Variants in PALLD observed in about 807,000 individuals in gnomAD.
PALLD encodes palladin.
A neutral mutation model predicts 123.5 loss-of-function variants in PALLD; 61 were observed. That is an observed-to-expected ratio of 0.49 (90% confidence interval 0.40 to 0.61). The LOEUF (loss-of-function observed/expected upper bound fraction) is 0.61, where lower values mean the gene tolerates loss of function less well. Among genes scored for constraint, PALLD ranks in the 20% least tolerant of loss-of-function variants. PALLD has a pLI of 0.00. For missense variants in PALLD, 1,273 were observed against 1,377.0 expected, an observed-to-expected ratio of 0.92 and a Z score of 1.20; for synonymous variants, 465 against 496.4, an observed-to-expected ratio of 0.94 and a Z score of 0.84.
chr4:168,507,948 T>C (rs1452543939), intron 1 of PALLD, among the ~76,000 whole-genome samples: 1 of 152,228 alleles, frequency 6.6e-6, no homozygotes, highest in Non-Finnish European at 1.5e-5. Flanking sequence ...GCCAGTATCC[T>C]CTTCACCTCC....
chr4:168,659,011 T>A (rs1778876709), intron 2 of PALLD, among the ~76,000 whole-genome samples: 1 of 152,218 alleles, frequency 6.6e-6, no homozygotes, highest in Admixed American at 6.5e-5. Flanking sequence ...TAAGTCCACA[T>A]GACAGAATAA....
chr4:168,709,516 AAGGAAGGAAGG>A (rs1784529573), intron 9 of PALLD, among the ~76,000 whole-genome samples: 1 of 310 alleles, frequency 3.2e-3, no homozygotes, highest in African/African-American at 8.2e-3. Flanking sequence ...TCAAGGAAGG[AAGGAAGGAAGG>A]AAGGAAGGAA....
At chr4:168,873,565 CAGA>C (rs1280965854) in intron 10 of PALLD, among the ~76,000 whole-genome samples, 1 of 152,112 alleles carries the variant, frequency 6.6e-6, no homozygotes, top group African/African-American at 2.4e-5. Context: ...AGTTGTTTTC[CAGA>C]AGTTTACTTT....
At chr4:168,600,030 C>T (rs6830448) in intron 2 of PALLD, among the ~76,000 whole-genome samples, 11,977 of 142,916 alleles carry the variant, frequency 0.084, 606 homozygotes, top group Non-Finnish European at 0.11. Flanking sequence ...TGTACACACA[C>T]ATACATACAT....
In PALLD at chr4:168,750,812, C is replaced by A. The variant is rs182825759; in HGVS notation, c.1964+38889C>A. On this transcript the variant is annotated intron_variant, in intron 10 of 21. Transcript: ENST00000505667. ...AAATATCTTCTCCAGAAAGACTTTC[C>A]TAATACTTCTAACTGGAATTGTTCT... Among the ~76,000 whole-genome samples, 336 of 152,254 alleles carry A rather than the reference C, an allele frequency of 2.2e-3. 5 individuals are homozygous for A. Among genetic ancestry groups the A allele is most frequent in the Admixed American group, 0.02 (311 of 15,298 alleles).
intron 10 of PALLD, among the ~76,000 whole-genome samples, chr4:168,806,411 T>C (rs1230105838): frequency 1.3e-5 from 2 of 152,084 alleles, no homozygotes; most frequent in African/African-American, 4.8e-5. Context: ...TTTGCTCTCT[T>C]TCTCTCTCCA....
chr4:168,643,191 T>G (rs1403940335), intron 2 of PALLD, among the ~76,000 whole-genome samples: 1 of 152,202 alleles, frequency 6.6e-6, no homozygotes, highest in Non-Finnish European at 1.5e-5. Context: ...TTAGATCAAG[T>G]TAAACTGAAA....
At chr4:168,761,293 A>C (rs576437927) in intron 10 of PALLD, among the ~76,000 whole-genome samples, 1 of 152,060 alleles carries the variant, frequency 6.6e-6, no homozygotes, top group Non-Finnish European at 1.5e-5. Flanking sequence ...AGTTTCACCA[A>C]TGAGTCCCCT....
At chr4:168,852,750 T>A (rs557442166) in intron 10 of PALLD, among the ~76,000 whole-genome samples, 1 of 152,244 alleles carries the variant, frequency 6.6e-6, no homozygotes, top group Non-Finnish European at 1.5e-5. Context: ...CCTTAAGCCA[T>A]GGTAATTAGA....
At chr4:168,704,620 C>T (rs1184121078) in intron 8 of PALLD, among the ~76,000 whole-genome samples, 10 of 143,236 alleles carry the variant, frequency 7.0e-5, no homozygotes, top group African/African-American at 1.8e-4. Flanking sequence ...GCCGAGATTG[C>T]GCCACTGCAC....
At chr4:168,855,183 C>T (rs763303442) in intron 10 of PALLD, among the ~76,000 whole-genome samples, 44 of 150,734 alleles carry the variant, frequency 2.9e-4, no homozygotes, top group Admixed American at 2.6e-4. Context: ...CTCCGCCTCC[C>T]GGGTTCAAGC....
chr4:168,623,241 C>G (rs1209022476), intron 2 of PALLD, among the ~76,000 whole-genome samples: 1 of 152,190 alleles, frequency 6.6e-6, no homozygotes, highest in African/African-American at 2.4e-5. Context: ...GATCACATGT[C>G]AGGCTGCCCA....
At chr4:168,644,233 C>T (rs1261004533) in intron 2 of PALLD, among the ~76,000 whole-genome samples, 2 of 151,602 alleles carry the variant, frequency 1.3e-5, no homozygotes, top group East Asian at 1.9e-4. Context: ...GGATTACAGG[C>T]GCCTCCACCA....
intron 10 of PALLD, among the ~76,000 whole-genome samples, chr4:168,824,817 C>CTTTT (rs148235431): frequency 3.1e-5 from 3 of 97,876 alleles, no homozygotes; most frequent in African/African-American, 8.1e-5. Context: ...CAGATAAATT[C>CTTTT]TTTTTTTTTT....
At chr4:168,588,769 T>C (rs938880128) in intron 2 of PALLD, among the ~76,000 whole-genome samples, 4 of 150,274 alleles carry the variant, frequency 2.7e-5, no homozygotes, top group African/African-American at 1.0e-4. Flanking sequence ...CTTCACTAAA[T>C]TAAAATGTTC....
intron 10 of PALLD, chr4:168,878,226 C>G: frequency 6.6e-7 from 1 of 1,520,668 alleles, no homozygotes; most frequent in Non-Finnish European, 8.8e-7. Flanking sequence ...CCACTGCCGC[C>G]GCCACCACCG....
At chr4:168,559,709 C>T (rs1767668001) in intron 2 of PALLD, among the ~76,000 whole-genome samples, 1 of 151,900 alleles carries the variant, frequency 6.6e-6, no homozygotes, top group Non-Finnish European at 1.5e-5. Context: ...CAGGCCTGGG[C>T]AACATGGCGA....
At chr4:168,624,670 C>T (rs1775068969) in intron 2 of PALLD, among the ~76,000 whole-genome samples, 1 of 151,970 alleles carries the variant, frequency 6.6e-6, no homozygotes, top group Admixed American at 6.6e-5. Context: ...TTTTAGATTA[C>T]ATTATATAGT....
At chr4:168,538,691 C>G (rs1765318004) in intron 2 of PALLD, among the ~76,000 whole-genome samples, 1 of 152,028 alleles carries the variant, frequency 6.6e-6, no homozygotes, top group South Asian at 2.1e-4. Context: ...AATTCCAGAC[C>G]TTAGGAGAAA....
Sources: allele counts gnomAD v4.1 joint callset (sites outside exome capture counted in the v4.1 genomes callset), GRCh38; gene constraint gnomAD v4.1.1; transcripts MANE v1.5; gene names NCBI Gene and HGNC (gene_info 2026-07-23, HGNC 2026-07-21).